PPTC7: variants seen among roughly 807,000 people sequenced by gnomAD.
The protein encoded by PPTC7 is protein phosphatase targeting COQ7.
A neutral mutation model predicts 30.8 loss-of-function variants in PPTC7; 6 were observed. The ratio of observed to expected loss-of-function variants is 0.19; its 90% CI spans 0.11 to 0.38. PPTC7 has a LOEUF of 0.38. Among genes scored for constraint, PPTC7 ranks in the 10% least tolerant of loss-of-function variants. PPTC7 has a pLI of 1.00. For synonymous variants in PPTC7, 163 were observed against 168.1 expected, an observed-to-expected ratio of 0.97 and a Z score of 0.23; for missense variants, 218 against 404.8, an observed-to-expected ratio of 0.54 and a Z score of 3.96.
chr12:110,568,814 T>C (rs549577702), intron 1 of PPTC7, among the ~76,000 whole-genome samples: 1 of 152,200 alleles, frequency 6.6e-6, no homozygotes, highest in Non-Finnish European at 1.5e-5. Flanking sequence ...TGTCATTCCC[T>C]GGGTCAGAAC....
intron 1 of PPTC7, among the ~76,000 whole-genome samples, chr12:110,582,320 C>A (rs1269512397): frequency 1.3e-5 from 2 of 152,334 alleles, no homozygotes; most frequent in Non-Finnish European, 2.9e-5. Flanking sequence ...CGAAAGAATA[C>A]GGCCGGGCTG....
intron 1 of PPTC7, among the ~76,000 whole-genome samples, chr12:110,565,777 G>T (rs558660931): frequency 1.4e-4 from 21 of 152,316 alleles, no homozygotes; most frequent in African/African-American, 4.3e-4. Context: ...AACTTAAAAT[G>T]AAGTGATGAT....
At chr12:110,563,563 C>T (rs1422748414) in intron 1 of PPTC7, among the ~76,000 whole-genome samples, 1 of 151,116 alleles carries the variant, frequency 6.6e-6, no homozygotes, top group South Asian at 2.1e-4. Flanking sequence ...TGTGGTGAGC[C>T]GAGACTGCGC....
intron 1 of PPTC7, among the ~76,000 whole-genome samples, chr12:110,581,399 G>A (rs565861524): frequency 6.6e-6 from 1 of 152,060 alleles, no homozygotes; most frequent in Admixed American, 6.5e-5. Flanking sequence ...GAGTGACAGA[G>A]GTAGACTCCG....
chr12:110,574,141 TAAAAAAA>T (rs58133391), intron 1 of PPTC7, among the ~76,000 whole-genome samples: 2,511 of 37,576 alleles, frequency 0.067, 22 homozygotes, highest in East Asian at 0.15. Context: ...CCACAATAAT[TAAAAAAA>T]AAAAAAAAAA....
At chr12:110,569,637 T>C (rs1484249429) in intron 1 of PPTC7, among the ~76,000 whole-genome samples, 1 of 152,254 alleles carries the variant, frequency 6.6e-6, no homozygotes, top group African/African-American at 2.4e-5. Context: ...GGCTAACAAA[T>C]AAGGCTATCC....
intron 1 of PPTC7, among the ~76,000 whole-genome samples, chr12:110,558,685 G>A (rs1381432131): frequency 6.6e-6 from 1 of 152,178 alleles, no homozygotes; most frequent in Non-Finnish European, 1.5e-5. Flanking sequence ...GAGTGCAGTG[G>A]TGCGATATTG....
At chr12:110,562,664 A>T (rs1461800717) in intron 1 of PPTC7, among the ~76,000 whole-genome samples, 2 of 151,718 alleles carry the variant, frequency 1.3e-5, no homozygotes, top group Non-Finnish European at 2.9e-5. Context: ...ATGGTGGCGC[A>T]TGACTGTAAT....
chr12:110,560,638 A>G (rs748778300), intron 1 of PPTC7, among the ~76,000 whole-genome samples: 25 of 152,222 alleles, frequency 1.6e-4, no homozygotes, highest in Non-Finnish European at 3.2e-4. Flanking sequence ...TCAGACTGAC[A>G]TGCAGTTACC....
chr12:110,543,709 T>C (rs1194499293), intron 3 of PPTC7, among the ~76,000 whole-genome samples: 2 of 152,192 alleles, frequency 1.3e-5, no homozygotes, highest in Non-Finnish European at 1.5e-5. Context: ...ACCCATGAGC[T>C]TGGTGTTCTG....
intron 1 of PPTC7, among the ~76,000 whole-genome samples, chr12:110,554,491 T>C (rs529436185): frequency 1.3e-5 from 2 of 152,338 alleles, no homozygotes; most frequent in African/African-American, 2.4e-5. Flanking sequence ...TTTTTATTTT[T>C]AGTTAATATG....
chr12:110,541,536 C>CA lies in PPTC7; in HGVS notation c.603-1592dup, dbSNP rs563670344. 2.5e-4 allele frequency among the ~76,000 whole-genome samples: 38 copies of CA among 150,466 alleles called. No homozygotes were observed. In the East Asian group the frequency reaches 7.2e-3, roughly 28 times the overall value. Reference sequence around the variant, plus strand: ...CAGCCTGGTTAAAACCCGTTTCTACCAAAAATACAAAAAATTAGCTGGGCG... The same window carrying CA: ...CAGCCTGGTTAAAACCCGTTTCTACCAAAAAATACAAAAAATTAGCTGGGCG... On this transcript the variant is annotated intron_variant, in intron 3 of 5. Coordinates refer to ENST00000354300, the MANE Select transcript of PPTC7 (RefSeq NM_139283.2).
intron 3 of PPTC7, among the ~76,000 whole-genome samples, chr12:110,544,577 T>G (rs1022472791): frequency 1.3e-4 from 20 of 152,240 alleles, no homozygotes; most frequent in Admixed American, 7.2e-4. Context: ...GGCTCATGCC[T>G]GTAATCCCAG....
chr12:110,535,097 A>G lies in PPTC7; in HGVS notation c.*1940T>C, dbSNP rs1039043457. ...TTTTAAATACACAGAGACTGCAAAT[A>G]GTTTGTGCAAAATAAATACCCCGCC... On this transcript the variant is annotated 3_prime_UTR_variant, in exon 6 of 6. Coordinates refer to ENST00000354300, the MANE Select transcript of PPTC7 (RefSeq NM_139283.2). 2.0e-5 allele frequency: 3 copies of G among 152,602 alleles called. No individual in the cohort carries two copies. The highest frequency in any genetic ancestry group is 7.2e-5 in the African/African-American group (3 of 41,420). 9.5% of individuals were successfully genotyped at this position (152,602 alleles called of 1,614,324 possible).
chr12:110,575,041 T>C (rs1275195620), intron 1 of PPTC7, among the ~76,000 whole-genome samples: 1 of 151,464 alleles, frequency 6.6e-6, no homozygotes, highest in African/African-American at 2.4e-5. Context: ...CCACCCGCCT[T>C]GGCCTCCCAA....
intron 1 of PPTC7, among the ~76,000 whole-genome samples, chr12:110,578,232 T>A (rs1028162686): frequency 2.0e-5 from 3 of 152,188 alleles, no homozygotes; most frequent in Non-Finnish European, 4.4e-5. Flanking sequence ...AGCATAAGGC[T>A]GTGGGAAGCC....
At chr12:110,543,306 A>T (rs2064278107) in intron 3 of PPTC7, among the ~76,000 whole-genome samples, 1 of 152,178 alleles carries the variant, frequency 6.6e-6, no homozygotes, top group African/African-American at 2.4e-5. Flanking sequence ...CAGGGAACCG[A>T]CTTTCACTTA....
intron 1 of PPTC7, among the ~76,000 whole-genome samples, chr12:110,567,766 C>T (rs894665143): frequency 6.6e-6 from 1 of 152,130 alleles, no homozygotes; most frequent in Non-Finnish European, 1.5e-5. Context: ...AAATACCTTC[C>T]ATGTAATATG....
At position 110,534,091 on chromosome 12, in the gene PPTC7, C is replaced by A. The variant is rs1366573251; in HGVS notation, c.*2946G>T. 6.6e-6 allele frequency: 1 copy of A among 151,714 alleles called. No individual in the cohort carries two copies. Among genetic ancestry groups the A allele is most frequent in the Non-Finnish European group, 1.5e-5 (1 of 67,990 alleles). The allele number at this position is 151,714 out of a possible 1,614,324, so 9.4% of individuals were successfully genotyped here. On this transcript the variant is annotated 3_prime_UTR_variant, in exon 6 of 6. Coordinates refer to ENST00000354300, the MANE Select transcript of PPTC7 (RefSeq NM_139283.2). Reference sequence around the variant, plus strand: ...ATCCCATTTCTTTTAGTTTTTAGAGCCTATGGACTCTACTGCATCTCCATT... The same window carrying A: ...ATCCCATTTCTTTTAGTTTTTAGAGACTATGGACTCTACTGCATCTCCATT...
Sources: allele counts gnomAD v4.1 joint callset (sites outside exome capture counted in the v4.1 genomes callset), GRCh38; gene constraint gnomAD v4.1.1; transcripts MANE v1.5; gene names NCBI Gene and HGNC (gene_info 2026-07-23, HGNC 2026-07-21).